The following BEND7 variants were observed in gnomAD, a reference collection of about 807,000 sequenced individuals.
The protein encoded by BEND7 is BEN domain containing 7.
In BEND7, 28 loss-of-function variants were observed where a neutral mutation model predicts 50.9. The observed-to-expected ratio is 0.55, with a 90% confidence interval of 0.41 to 0.75. The LOEUF (loss-of-function observed/expected upper bound fraction) is 0.75. BEND7 is among the 30% of genes least tolerant of loss of function. BEND7 has a pLI of 0.00. For synonymous variants in BEND7, 170 were observed against 183.9 expected (o/e 0.92, Z 0.61); for missense variants, 477 against 491.3 (o/e 0.97, Z 0.28).
intron 2 of BEND7, among the ~76,000 whole-genome samples, chr10:13,518,239 G>T (rs984337262): frequency 1.3e-5 from 2 of 152,226 alleles, no homozygotes; most frequent in Non-Finnish European, 2.9e-5. Context: ...AACAGAAAGA[G>T]GTGGCTTTTC....
intron 7 of BEND7, among the ~76,000 whole-genome samples, chr10:13,451,802 T>C (rs1837804453): frequency 8.2e-6 from 1 of 122,432 alleles, no homozygotes; most frequent in Non-Finnish European, 1.6e-5. Flanking sequence ...ATGTTCCCCT[T>C]CCTGTGTCCA....
chr10:13,493,661 C>T (rs1037831499), intron 4 of BEND7, among the ~76,000 whole-genome samples: 1 of 152,200 alleles, frequency 6.6e-6, no homozygotes, highest in Non-Finnish European at 1.5e-5. Flanking sequence ...AGTATTCAAC[C>T]TGATTCTATA....
intron 2 of BEND7, among the ~76,000 whole-genome samples, chr10:13,510,674 G>C (rs944251521): frequency 6.6e-6 from 1 of 152,176 alleles, no homozygotes; most frequent in African/African-American, 2.4e-5. Context: ...ATTCGCTACA[G>C]GATAACTAGG....
In BEND7 at chr10:13,500,025, G is replaced by A. The variant is rs148241261; in HGVS notation, c.201C>T (p.Asn67=). The A allele has an allele frequency of 1.6e-4, 257 of 1,612,916 alleles. 2 individuals carry two copies. In the East Asian group the frequency reaches 2.5e-3, roughly 16 times the overall value. The part of the protein sequence containing the change: ...KQITGMRRLL[N]DSTGRIYQRV... ...GCTGATAGATCCGCCCAGTGCTGTC[G>A]TTCAGCAATCTTCTCATCCCTGTAA... The change falls in exon 3 of 9, where the codon AAC becomes AAT. Residue 67 remains asparagine (N), a synonymous_variant. Transcript: ENST00000466271.
At chr10:13,484,153 C>T (rs1475231237) in intron 5 of BEND7, among the ~76,000 whole-genome samples, 2 of 152,126 alleles carry the variant, frequency 1.3e-5, no homozygotes, top group African/African-American at 2.4e-5. Context: ...CAGCGGCAGC[C>T]GGGGCACAGG....
At chr10:13,503,445 G>A (rs2077629899) in intron 2 of BEND7, among the ~76,000 whole-genome samples, 4 of 152,152 alleles carry the variant, frequency 2.6e-5, no homozygotes, top group Admixed American at 2.6e-4. Context: ...TGGCACAGTG[G>A]CTCACACCTG....
At chr10:13,464,240 A>T (rs769221927) in intron 6 of BEND7, among the ~76,000 whole-genome samples, 45 of 152,232 alleles carry the variant, frequency 3.0e-4, no homozygotes, top group Non-Finnish European at 6.2e-4. Context: ...GGTGACAGGG[A>T]AAGAGAAAAG....
intron 7 of BEND7, among the ~76,000 whole-genome samples, chr10:13,447,536 CTTTTTTTTTT>C (rs11346528): frequency 2.3e-5 from 2 of 86,088 alleles, no homozygotes; most frequent in South Asian, 4.4e-4. Context: ...CGTATTAAAA[CTTTTTTTTTT>C]TTTTTTTTTT....
chr10:13,521,141 G>C (rs974771693), intron 2 of BEND7, among the ~76,000 whole-genome samples: 14 of 151,986 alleles, frequency 9.2e-5, no homozygotes, highest in African/African-American at 3.1e-4. Flanking sequence ...AGGCTCTCTG[G>C]GTCTCCTCGA....
chr10:13,502,573 G>A (rs2077554891), intron 2 of BEND7, among the ~76,000 whole-genome samples: 1 of 152,170 alleles, frequency 6.6e-6, no homozygotes, highest in African/African-American at 2.4e-5. Flanking sequence ...GGTGTGTCTG[G>A]AAGAGGTCCC....
In BEND7 at chr10:13,499,960, T is replaced by G; in HGVS notation, c.266A>C (p.Gln89Pro). 8 of 1,614,220 alleles carry G rather than the reference T, an allele frequency of 5.0e-6. No individual in the cohort carries two copies. The highest frequency in any genetic ancestry group is 6.8e-6 in the Non-Finnish European group (8 of 1,180,026). ...TGGAGGCCAGACTAAATCCAGGTCC[T>G]GGGGCTCTTCTTTTAGTTTCTCTCC... ...KEGEKLKEEP[Q>P]DLDLVWPPRL... The change falls in exon 3 of 9, where the codon CAG becomes CCG. Residue 89 changes from glutamine (Q) to proline (P), a missense_variant. Gln to Pro is a moderately conservative substitution (Grantham distance 76). Transcript: ENST00000466271.
intron 8 of BEND7, chr10:13,444,901 G>A (rs2095984): frequency 0.71 from 108,057 of 151,930 alleles, 38,782 homozygotes; most frequent in East Asian, 0.87. Flanking sequence ...TGCAAGCTCC[G>A]CCTCCCAGGT....
chr10:13,503,154 C>G (rs1399840519), intron 2 of BEND7, among the ~76,000 whole-genome samples: 1 of 152,184 alleles, frequency 6.6e-6, no homozygotes, highest in African/African-American at 2.4e-5. Context: ...TTTTGACAAC[C>G]AGCATCCTAA....
At chr10:13,464,788 G>A (rs753184456) in intron 6 of BEND7, among the ~76,000 whole-genome samples, 1 of 152,096 alleles carries the variant, frequency 6.6e-6, no homozygotes, top group Non-Finnish European at 1.5e-5. Context: ...ATTTCTCCTA[G>A]GGCTATGCCA....
intron 6 of BEND7, chr10:13,460,202 G>C (rs1298728385): frequency 6.5e-6 from 1 of 153,374 alleles, no homozygotes; most frequent in Non-Finnish European, 1.5e-5. Context: ...CAGCCGGCAG[G>C]GAGGAGAGGA....
intron 6 of BEND7, among the ~76,000 whole-genome samples, chr10:13,476,140 G>C (rs1031349045): frequency 5.9e-5 from 9 of 152,090 alleles, no homozygotes; most frequent in African/African-American, 1.7e-4. Context: ...GATACTATAA[G>C]ATGACAAATA....
intron 6 of BEND7, among the ~76,000 whole-genome samples, chr10:13,454,335 G>A (rs1338449625): frequency 6.6e-6 from 1 of 152,312 alleles, no homozygotes; most frequent in African/African-American, 2.4e-5. Context: ...GCCAGGCATG[G>A]TGGGTAATGC....
chr10:13,442,475 A>G (rs1202768738), intron 8 of BEND7: 1 of 152,224 alleles, frequency 6.6e-6, no homozygotes, highest in African/African-American at 2.4e-5. Context: ...ATCTGGAGGT[A>G]AATATTTCTA....
intron 2 of BEND7, among the ~76,000 whole-genome samples, chr10:13,523,508 T>C (rs1221958860): frequency 2.0e-5 from 3 of 152,208 alleles, no homozygotes; most frequent in Non-Finnish European, 4.4e-5. Context: ...AGGGAACACA[T>C]ATGTTTGAAT....
Sources: gnomAD v4.1 joint callset for allele counts (sites outside exome capture counted in the v4.1 genomes callset) on GRCh38, gnomAD v4.1.1 for gene constraint, MANE v1.5 for transcripts, NCBI Gene and HGNC (gene_info 2026-07-23, HGNC 2026-07-21) for gene names.